PCGF5: variants seen among roughly 807,000 people sequenced by gnomAD.
The protein encoded by PCGF5 is polycomb group ring finger 5.
PCGF5 carries 9 observed loss-of-function variants against 44.3 expected under a neutral mutation model. The ratio of observed to expected loss-of-function variants is 0.20; its 90% CI spans 0.12 to 0.35. The LOEUF (loss-of-function observed/expected upper bound fraction) is 0.35, where lower values mean the gene tolerates loss of function less well. PCGF5 is among the 10% of genes least tolerant of loss of function. The pLI is 1.00. For synonymous variants in PCGF5, 95 were observed against 102.5 expected, an observed-to-expected ratio of 0.93 and a Z score of 0.44; for missense variants, 146 against 305.3, an observed-to-expected ratio of 0.48 and a Z score of 3.89.
At chr10:91,232,408 A>G (rs963458521) in intron 2 of PCGF5, among the ~76,000 whole-genome samples, 2 of 152,234 alleles carry the variant, frequency 1.3e-5, no homozygotes, top group African/African-American at 4.8e-5. Flanking sequence ...GTTAAAGAGA[A>G]TAAGTGCCAC....
intron 1 of PCGF5, among the ~76,000 whole-genome samples, chr10:91,164,972 A>G (rs1023012236): frequency 2.0e-5 from 3 of 152,362 alleles, no homozygotes; most frequent in South Asian, 4.1e-4. Context: ...CTATAACCCT[A>G]GCACCTAGAA....
intron 2 of PCGF5, among the ~76,000 whole-genome samples, chr10:91,232,988 G>A (rs1180111246): frequency 6.6e-6 from 1 of 152,188 alleles, no homozygotes; most frequent in Non-Finnish European, 1.5e-5. Context: ...AAGTTCCACT[G>A]TAATCTTGTA....
At chr10:91,243,845 A>G (rs999861314) in intron 3 of PCGF5, among the ~76,000 whole-genome samples, 8 of 152,192 alleles carry the variant, frequency 5.3e-5, no homozygotes, top group African/African-American at 1.4e-4. Context: ...ACTGGTGTTA[A>G]TGTTCCTACT....
Position 91,231,809 on chromosome 10 carries a change from G to A in PCGF5, c.113-8675G>A, listed in dbSNP as rs190441255. 3.1e-4 allele frequency among the ~76,000 whole-genome samples: 47 copies of A among 152,342 alleles called. 1 individual carries two copies. The East Asian group carries it at 8.9e-3, about 29-fold the overall frequency. ...GTTAGAAGGCCATTGCAGTAATCCA[G>A]GCAGGAGATGGTAATGGCTTGCATC... On this transcript the variant is annotated intron_variant, in intron 2 of 9. Transcript: ENST00000336126.
intron 5 of PCGF5, among the ~76,000 whole-genome samples, chr10:91,250,196 T>C (rs901702125): frequency 1.3e-5 from 2 of 152,060 alleles, no homozygotes; most frequent in Non-Finnish European, 2.9e-5. Context: ...CTCCTATCTA[T>C]GTATATTCTC....
Position 91,270,477 on chromosome 10 carries a change from C to T in PCGF5, c.664-1161C>T, listed in dbSNP as rs73312478. Among the ~76,000 whole-genome samples, 970 of 152,048 alleles carry T rather than the reference C, an allele frequency of 6.4e-3. 15 individuals are homozygous for T. The highest frequency in any genetic ancestry group is 0.022 in the African/African-American group (901 of 41,446). On this transcript the variant is annotated intron_variant, in intron 8 of 9. Coordinates refer to ENST00000336126, the MANE Select transcript of PCGF5 (RefSeq NM_032373.5). ...TCAATGTTATGCAAAGTCTGATGGA[C>T]CAGAGCTTGGGGACTCTTTGGAGAG...
intron 1 of PCGF5, among the ~76,000 whole-genome samples, chr10:91,183,593 T>G (rs1843862401): frequency 3.3e-5 from 5 of 152,194 alleles, no homozygotes; most frequent in Admixed American, 3.3e-4. Flanking sequence ...TATGTGAGGA[T>G]CTGATCCTGT....
intron 5 of PCGF5, among the ~76,000 whole-genome samples, chr10:91,249,373 A>G (rs1340466743): frequency 0.14 from 2 of 14 alleles, no homozygotes; most frequent in South Asian, 0.5. Flanking sequence ...CTTTTAGTGT[A>G]TATATATATA....
intron 6 of PCGF5, among the ~76,000 whole-genome samples, chr10:91,260,867 A>G (rs944709891): frequency 1.1e-4 from 17 of 151,790 alleles, no homozygotes; most frequent in Non-Finnish European, 2.1e-4. Flanking sequence ...CTAAATGACC[A>G]GTTAATGGGT....
At chr10:91,242,351 T>A (rs1229702314) in intron 3 of PCGF5, among the ~76,000 whole-genome samples, 2 of 152,002 alleles carry the variant, frequency 1.3e-5, no homozygotes, top group African/African-American at 4.8e-5. Flanking sequence ...AAAAAACTGT[T>A]AATATCCAGT....
intron 1 of PCGF5, among the ~76,000 whole-genome samples, chr10:91,167,369 G>A (rs1003505866): frequency 7.9e-5 from 12 of 152,198 alleles, no homozygotes; most frequent in African/African-American, 2.7e-4. Context: ...GTTTTACATG[G>A]GAGAACTGTT....
At chr10:91,176,179 TG>T (rs1843703250) in intron 1 of PCGF5, among the ~76,000 whole-genome samples, 1 of 152,188 alleles carries the variant, frequency 6.6e-6, no homozygotes, top group Admixed American at 6.5e-5. Flanking sequence ...AAGCTTAGTT[TG>T]GCTGGATATG....
chr10:91,178,778 AT>A (rs969306088), intron 1 of PCGF5, among the ~76,000 whole-genome samples: 4 of 152,038 alleles, frequency 2.6e-5, no homozygotes, highest in Admixed American at 1.3e-4. Flanking sequence ...AAAAAAAAAA[AT>A]GTAATGATGA....
At chr10:91,253,718 T>C (rs952233981) in intron 6 of PCGF5, among the ~76,000 whole-genome samples, 5 of 152,064 alleles carry the variant, frequency 3.3e-5, no homozygotes, top group African/African-American at 7.2e-5. Context: ...TTATTAAGTG[T>C]TTTCTGTACC....
chr10:91,168,713 G>T (rs140181079), intron 1 of PCGF5, among the ~76,000 whole-genome samples: 181 of 152,134 alleles, frequency 1.2e-3, no homozygotes, highest in African/African-American at 4.3e-3. Flanking sequence ...CAGATCATGA[G>T]GTCAAGAGTT....
chr10:91,264,543 T>A, intron 8 of PCGF5, 23 bp downstream of exon 8: 2 of 1,534,936 alleles, frequency 1.3e-6, no homozygotes, highest in Non-Finnish European at 1.8e-6. Flanking sequence ...TATATTTACC[T>A]ATGTGTTTAT....
intron 2 of PCGF5, among the ~76,000 whole-genome samples, 196 bp from the exon 3 acceptor site, chr10:91,240,284 CTTTT>C (rs1362340844): frequency 6.6e-6 from 1 of 152,046 alleles, no homozygotes; most frequent in Non-Finnish European, 1.5e-5. Flanking sequence ...ATAATTTATG[CTTTT>C]TGTTTGTGGC....
chr10:91,255,456 A>G (rs984799779), intron 6 of PCGF5, among the ~76,000 whole-genome samples: 1 of 152,094 alleles, frequency 6.6e-6, no homozygotes, highest in East Asian at 1.9e-4. Flanking sequence ...CTGCACGAGT[A>G]GGAAGTGAAG....
chr10:91,254,826 T>A (rs1170194303), intron 6 of PCGF5, among the ~76,000 whole-genome samples: 2 of 152,144 alleles, frequency 1.3e-5, no homozygotes, highest in Admixed American at 1.3e-4. Flanking sequence ...TGTCAGCTTT[T>A]TCAGAGATCT....
Sources: allele counts gnomAD v4.1 joint callset (sites outside exome capture counted in the v4.1 genomes callset), GRCh38; gene constraint gnomAD v4.1.1; transcripts MANE v1.5; gene names NCBI Gene and HGNC (gene_info 2026-07-23, HGNC 2026-07-21).